Variants in CCDC7 observed in about 807,000 individuals in gnomAD.
The protein encoded by CCDC7 is coiled-coil domain-containing protein 7.
CCDC7 carries 183 observed loss-of-function variants against 196.9 expected under a neutral mutation model. That is an observed-to-expected ratio of 0.93 (90% CI 0.82 to 1.05). CCDC7 has a LOEUF of 1.05. CCDC7 is among the 50% of genes least tolerant of loss of function. The probability of loss-of-function intolerance (pLI) is 0.00; values close to 1 mark genes in which losing one functional copy is unlikely to be tolerated. For missense variants in CCDC7, 1,540 were observed against 1,482.2 expected, an observed-to-expected ratio of 1.04 and a Z score of -0.64; for synonymous variants, 525 against 484.6, an observed-to-expected ratio of 1.08 and a Z score of -1.10.
intron 18 of CCDC7, among the ~76,000 whole-genome samples, chr10:32,620,075 A>T (rs978048582): frequency 6.6e-6 from 1 of 151,680 alleles, no homozygotes; most frequent in African/African-American, 2.4e-5. Context: ...GACATGCACC[A>T]CCACACTCGG....
At chr10:32,690,939 C>T (rs1481727565) in intron 23 of CCDC7, among the ~76,000 whole-genome samples, 7 of 152,150 alleles carry the variant, frequency 4.6e-5, no homozygotes, top group Admixed American at 4.6e-4. Flanking sequence ...TTGGTGGTGT[C>T]CTCAGATGCA....
chr10:32,507,661 G>C (rs1350633381), intron 9 of CCDC7, among the ~76,000 whole-genome samples: 1 of 151,824 alleles, frequency 6.6e-6, no homozygotes, highest in Non-Finnish European at 1.5e-5. Flanking sequence ...ATGTTGACCA[G>C]GCTGGTCTTG....
At chr10:32,849,948 C>T (rs542729865) in intron 39 of CCDC7, among the ~76,000 whole-genome samples, 11 of 151,972 alleles carry the variant, frequency 7.2e-5, no homozygotes, top group South Asian at 2.1e-4. Context: ...CTTCTGAAGG[C>T]GGGGGGCACT....
At chr10:32,830,938 A>G (rs1205574556) in intron 32 of CCDC7, among the ~76,000 whole-genome samples, 5 of 152,340 alleles carry the variant, frequency 3.3e-5, no homozygotes, top group African/African-American at 1.2e-4. Flanking sequence ...GACAAAGTGA[A>G]AACCTTGAAG....
chr10:32,856,515 G>A (rs2093758850), intron 41 of CCDC7, among the ~76,000 whole-genome samples: 1 of 152,066 alleles, frequency 6.6e-6, no homozygotes, highest in Admixed American at 6.5e-5. Flanking sequence ...AGTTGCTGAG[G>A]TGCCCCACCT....
chr10:32,682,122 G>A (rs2075940568), intron 21 of CCDC7, among the ~76,000 whole-genome samples: 1 of 152,184 alleles, frequency 6.6e-6, no homozygotes, highest in East Asian at 1.9e-4. Context: ...TTGTCACCAA[G>A]GTAGTGAGCA....
intron 28 of CCDC7, among the ~76,000 whole-genome samples, chr10:32,762,332 G>A (rs1361294837): frequency 6.6e-6 from 1 of 151,662 alleles, no homozygotes; most frequent in African/African-American, 2.4e-5. Flanking sequence ...CCAGAATCTA[G>A]TTTATTCCTG....
chr10:32,457,060 C>G (rs2034515497), intron 3 of CCDC7, among the ~76,000 whole-genome samples: 1 of 151,638 alleles, frequency 6.6e-6, no homozygotes, highest in African/African-American at 2.4e-5. Flanking sequence ...GCTGTGGTCA[C>G]CCTATAGTGC....
At chr10:32,845,680 GTTAAA>G in intron 35 of CCDC7, 54 bp downstream of exon 36, 1 of 1,479,560 alleles carries the variant, frequency 6.8e-7, no homozygotes, top group Non-Finnish European at 9.4e-7. Flanking sequence ...TATTCCTGGA[GTTAAA>G]TTAAGTGTGG....
At chr10:32,676,010 G>C (rs999213173) in intron 21 of CCDC7, among the ~76,000 whole-genome samples, 14 of 151,654 alleles carry the variant, frequency 9.2e-5, no homozygotes, top group South Asian at 2.1e-4. Flanking sequence ...GTAACCAAAA[G>C]AGCATGGTAC....
At chr10:32,674,074 A>AT (rs1200904442) in intron 21 of CCDC7, among the ~76,000 whole-genome samples, 2 of 148,406 alleles carry the variant, frequency 1.3e-5, no homozygotes, top group African/African-American at 2.5e-5. Flanking sequence ...ATTTTCATCA[A>AT]TTTTTTCTAT....
chr10:32,779,320 A>G (rs2080653964), intron 29 of CCDC7, among the ~76,000 whole-genome samples: 1 of 152,208 alleles, frequency 6.6e-6, no homozygotes, highest in Non-Finnish European at 1.5e-5. Flanking sequence ...TTACCTACTC[A>G]TGAAACAAAA....
intron 9 of CCDC7, chr10:32,512,731 A>T (rs1160539724): frequency 6.6e-6 from 1 of 152,216 alleles, no homozygotes; most frequent in Admixed American, 6.5e-5. Context: ...AAAAAGGAGT[A>T]CTAATAAGAA....
At chr10:32,492,794 T>C (rs992914849) in intron 9 of CCDC7, among the ~76,000 whole-genome samples, 8 of 152,136 alleles carry the variant, frequency 5.3e-5, no homozygotes, top group Non-Finnish European at 1.2e-4. Flanking sequence ...GTAACACTGC[T>C]GAACTATACA....
intron 28 of CCDC7, among the ~76,000 whole-genome samples, chr10:32,764,142 A>G (rs1435788201): frequency 3.3e-5 from 5 of 151,752 alleles, no homozygotes; most frequent in Non-Finnish European, 7.4e-5. Context: ...TGTCCGAAGA[A>G]ACTATAATTG....
chr10:32,589,006 C>T (rs1441607887), intron 18 of CCDC7, among the ~76,000 whole-genome samples: 2 of 152,024 alleles, frequency 1.3e-5, no homozygotes, highest in African/African-American at 2.4e-5. Context: ...CTTTATGTTA[C>T]AAATAATCCA....
chr10:32,861,122 A>AG (rs1262380664), intron 41 of CCDC7, among the ~76,000 whole-genome samples: 2 of 147,734 alleles, frequency 1.4e-5, no homozygotes, highest in East Asian at 4.0e-4. Context: ...AAGCAAAAAA[A>AG]AAAAAAAAAA....
chr10:32,866,359 G>A (rs1000477863), intron 41 of CCDC7, among the ~76,000 whole-genome samples: 1 of 151,566 alleles, frequency 6.6e-6, no homozygotes. Flanking sequence ...ATAAAGAACT[G>A]TTATTCAATA....
intron 18 of CCDC7, among the ~76,000 whole-genome samples, chr10:32,601,628 C>A (rs1490024644): frequency 5.9e-5 from 9 of 152,250 alleles, no homozygotes; most frequent in Non-Finnish European, 1.2e-4. Context: ...CCAATCAGCA[C>A]TCTGTAAAAA....
Sources: gnomAD v4.1 joint callset for allele counts (sites outside exome capture counted in the v4.1 genomes callset) on GRCh38, gnomAD v4.1.1 for gene constraint, MANE v1.5 for transcripts, NCBI Gene and HGNC (gene_info 2026-07-23, HGNC 2026-07-21) for gene names.